The following NLRP13 variants were observed in gnomAD, a reference collection of about 807,000 sequenced individuals.
NLRP13 encodes NLR family pyrin domain containing 13.
Under a neutral mutation model 94.4 loss-of-function variants are expected in NLRP13, and 82 were observed. The observed-to-expected ratio is 0.87, with a 90% CI of 0.73 to 1.04. The LOEUF is 1.04. Ranked by LOEUF, NLRP13 falls within the 50% of genes least tolerant of loss-of-function variation. The probability of loss-of-function intolerance (pLI) is 0.00; values close to 1 mark genes in which losing one functional copy is unlikely to be tolerated. For synonymous variants in NLRP13, 553 were observed against 464.7 expected (o/e 1.19, Z -2.45); for missense variants, 1,426 against 1,230.8 (o/e 1.16, Z -2.37).
rs1027220636 is a variant in NLRP13 at position 55,930,886 on chromosome 19, A to G, written c.319+1107T>C. Among the ~76,000 whole-genome samples, 51 of 121,582 alleles carry G rather than the reference A, an allele frequency of 4.2e-4. 2 individuals carry two copies. Among genetic ancestry groups the G allele is most frequent in the African/African-American group, 1.5e-3 (48 of 31,494 alleles). 79.8% of individuals were successfully genotyped at this position (121,582 alleles called of 152,430 possible). A position where few individuals can be genotyped will look rare whatever the true frequency, so the allele number is the denominator to read the frequency against. ...ATAGAATCAGTGATTATATATATAT[A>G]TATATATATATAAAATTTTAACCAG... On this transcript the variant is annotated intron_variant, in intron 1 of 10. Coordinates refer to ENST00000342929, the MANE Select transcript of NLRP13 (RefSeq NM_176810.2).
rs377263929 is a variant in NLRP13, at chr19:55,913,305, G to A, written c.524-12C>T. 118 of 1,605,750 alleles carry A rather than the reference G, an allele frequency of 7.3e-5. No individual in the cohort carries two copies. The highest frequency in any genetic ancestry group is 1.0e-4 in the South Asian group (9 of 90,242). ...TTTTCTTCTGTGGTCTAGAGAGGGC[G>A]GAGTGGGGAGAAGAATGGTAAGAAT... On this transcript the variant is annotated splice_polypyrimidine_tract_variant and intron_variant, in intron 4 of 10. Transcript: ENST00000342929.
In NLRP13 at chr19:55,902,224, A is replaced by C. The variant is rs113092346; in HGVS notation, c.2619-19T>G. 3.7e-3 allele frequency: 5,993 copies of C among 1,611,150 alleles called. 189 individuals carry two copies. In the African/African-American group the frequency reaches 0.068, roughly 18 times the overall value. ...CCAGAGCCTGCAGGGTGAAAGCCACAGAGATGGACACTCAGGGAAGCAGCC... is the reference window on the plus strand; with the variant it reads ...CCAGAGCCTGCAGGGTGAAAGCCACCGAGATGGACACTCAGGGAAGCAGCC... On this transcript the variant is annotated intron_variant, in intron 8 of 10. Transcript: ENST00000342929.
At position 55,925,042 on chromosome 19, in the gene NLRP13, C is replaced by CA. The variant is rs769684311; in HGVS notation, c.320-8dup. ...TCTTGGGTCTGCACATTCTCTGAAACAAACAGTGATGATGACATATGAGAA... is the reference window on the plus strand; with the variant it reads ...TCTTGGGTCTGCACATTCTCTGAAACAAAACAGTGATGATGACATATGAGAA... On this transcript the variant is annotated splice_region_variant and splice_polypyrimidine_tract_variant and intron_variant, in intron 1 of 10. Transcript: ENST00000342929. The CA allele has an allele frequency of 6.2e-7, 1 of 1,613,434 alleles. No homozygotes were observed. Among genetic ancestry groups the CA allele is most frequent in the South Asian group, 1.1e-5 (1 of 91,058 alleles).
chr19:55,906,155 T>C (rs769178478), intron 7 of NLRP13, among the ~76,000 whole-genome samples: 2 of 151,724 alleles, frequency 1.3e-5, no homozygotes, highest in Non-Finnish European at 2.9e-5. Context: ...CTGTCCAACA[T>C]GGTGAAACCC....
chr19:55,921,803 G>T (rs1488426250), intron 4 of NLRP13, among the ~76,000 whole-genome samples: 5 of 152,150 alleles, frequency 3.3e-5, no homozygotes, highest in African/African-American at 7.2e-5. Context: ...AGTTGGAGAT[G>T]AGAGTCATGA....
intron 8 of NLRP13, among the ~76,000 whole-genome samples, chr19:55,904,721 G>A (rs1032288197): frequency 1.3e-5 from 2 of 152,142 alleles, no homozygotes; most frequent in African/African-American, 4.8e-5. Flanking sequence ...ACTTCCTGGG[G>A]TCCTCGTGGA....
rs1271026574 is a variant in NLRP13, at chr19:55,913,118, C to G, written c.699G>C (p.Leu233Phe). The change falls in exon 5 of 11, where the codon TTG becomes TTC. Residue 233 changes from leucine (L) to phenylalanine (F), a missense_variant. Coordinates refer to ENST00000342929, the MANE Select transcript of NLRP13 (RefSeq NM_176810.2). ...TCTTCCCAACCCCTGCCCTCCCCAC[C>G]AAGACTATCGTCTGGGCCTGGGCTC... The part of the protein sequence containing the change: ...RTRAQAQTIV[L>F]VGRAGVGKTT... 2 of 1,614,046 alleles carry G rather than the reference C, an allele frequency of 1.2e-6. No homozygotes were observed. Among genetic ancestry groups the G allele is most frequent in the African/African-American group, 1.3e-5 (1 of 74,924 alleles).
chr19:55,919,216 T>C (rs1386667271), intron 4 of NLRP13, among the ~76,000 whole-genome samples: 2 of 152,080 alleles, frequency 1.3e-5, no homozygotes, highest in Non-Finnish European at 2.9e-5. Context: ...CAAAGGAACA[T>C]ATGTCAAACT....
At chr19:55,906,380 A>C (rs188275121) in intron 7 of NLRP13, among the ~76,000 whole-genome samples, 20 of 150,480 alleles carry the variant, frequency 1.3e-4, no homozygotes, top group Admixed American at 3.5e-4. Flanking sequence ...GACAGACAGA[A>C]AGAAAGACAG....
intron 1 of NLRP13, among the ~76,000 whole-genome samples, chr19:55,929,411 G>A (rs1987050659): frequency 6.6e-6 from 1 of 152,212 alleles, no homozygotes; most frequent in East Asian, 1.9e-4. Flanking sequence ...TGAAGAAAAT[G>A]TGGCACATAT....
Position 55,912,015 on chromosome 19 carries a change from T to C in NLRP13, c.1802A>G (p.Glu601Gly). Reference protein sequence around the residue: ...LLNKNIARELEDTLHCKISPR... With the variant: ...LLNKNIARELGDTLHCKISPR... ...AGATATTTTACAATGCAAAGTATCTTCCAGTTCTCTTGCTATGTTTTTATT... is the reference window on the plus strand; with the variant it reads ...AGATATTTTACAATGCAAAGTATCTCCCAGTTCTCTTGCTATGTTTTTATT... Residue 601 changes from glutamate to glycine, a missense_variant, in exon 5 of 11, where the codon GAA becomes GGA. Physicochemically the swap from Glu to Gly is moderately conservative, Grantham distance 98. Coordinates refer to ENST00000342929, the MANE Select transcript of NLRP13 (RefSeq NM_176810.2). The C allele has an allele frequency of 6.2e-7, 1 of 1,614,072 alleles. No individual in the cohort carries two copies.
Position 55,913,178 on chromosome 19 carries a change from C to T in NLRP13, c.639G>A (p.Glu213=). The change falls in exon 5 of 11, where the codon GAG becomes GAA. Residue 213 remains glutamate (E), a synonymous_variant. Transcript: ENST00000342929. ...TAGGATCCAGTAGGCGCTGCAGTTC[C>T]TCATGTTCGTCCTTTGATGTATTAC... ...YIRNTSKDEH[E]ELQRLLDPNR... is the part of the protein sequence containing the mutation. 6.2e-7 allele frequency: 1 copy of T among 1,614,118 alleles called. No homozygotes were observed. The highest frequency in any genetic ancestry group is 8.5e-7 in the Non-Finnish European group (1 of 1,180,038).
intron 4 of NLRP13, among the ~76,000 whole-genome samples, chr19:55,920,853 T>A (rs1024805440): frequency 1.3e-5 from 2 of 152,158 alleles, no homozygotes; most frequent in Non-Finnish European, 2.9e-5. Flanking sequence ...TCAACCTAAA[T>A]GTCCATTAAT....
chr19:55,918,716 G>A (rs977598957), intron 4 of NLRP13, among the ~76,000 whole-genome samples: 1 of 151,948 alleles, frequency 6.6e-6, no homozygotes, highest in Non-Finnish European at 1.5e-5. Flanking sequence ...AGGAGTGAGT[G>A]AATCAGTAAT....
chr19:55,911,168 T>C (rs1986498684), intron 5 of NLRP13, among the ~76,000 whole-genome samples: 1 of 152,220 alleles, frequency 6.6e-6, no homozygotes. Flanking sequence ...AAAATGTCCC[T>C]ATGTTAGAGC....
chr19:55,912,633 A>G lies in NLRP13; in HGVS notation c.1184T>C (p.Phe395Ser). 1.2e-6 allele frequency: 2 copies of G among 1,614,196 alleles called. No homozygotes were observed. The highest frequency in any genetic ancestry group is 1.7e-6 in the Non-Finnish European group (2 of 1,180,026). Residue 395 changes from phenylalanine to serine, a missense_variant, in exon 5 of 11, where the codon TTC becomes TCC. Coordinates refer to ENST00000342929, the MANE Select transcript of NLRP13 (RefSeq NM_176810.2). ...GFTGDDLRVY[F>S]MRHFDDSSEV... ...ACTTGAGTCATCAAAGTGTCTCATG[A>G]AATATACCCGTAGGTCGTCCCCTGT...
chr19:55,911,765 T>C lies in NLRP13; in HGVS notation c.2052A>G (p.Leu684=). ...SSFCLKHCKR[L]NKLRLSVSSH... is the part of the protein sequence containing the mutation. Reference sequence around the variant, plus strand: ...TGCTAACAGAAAGCCTTAGCTTATTTAACCTTTTACAGTGCTTTAGGCAAA... The same window carrying C: ...TGCTAACAGAAAGCCTTAGCTTATTCAACCTTTTACAGTGCTTTAGGCAAA... The change falls in exon 5 of 11, where the codon TTA becomes TTG. Residue 684 remains leucine, a synonymous_variant. Coordinates refer to ENST00000342929, the MANE Select transcript of NLRP13 (RefSeq NM_176810.2). 6.2e-7 allele frequency: 1 copy of C among 1,613,812 alleles called. No individual in the cohort carries two copies. Among genetic ancestry groups the C allele is most frequent in the Non-Finnish European group, 8.5e-7 (1 of 1,179,876 alleles).
chr19:55,910,810 CAG>C, intron 5 of NLRP13, 77 bp from the exon 6 acceptor site: 6 of 1,179,518 alleles, frequency 5.1e-6, no homozygotes, highest in Non-Finnish European at 7.1e-6. Context: ...CTACGGGACA[CAG>C]AAAGAAACCC....
chr19:55,901,666 G>C (rs903939114), intron 9 of NLRP13, among the ~76,000 whole-genome samples: 3 of 152,152 alleles, frequency 2.0e-5, no homozygotes, highest in African/African-American at 7.2e-5. Flanking sequence ...TGATTGCACG[G>C]GGAGAGGGCT....
Sources: gnomAD v4.1 joint callset for allele counts (sites outside exome capture counted in the v4.1 genomes callset) on GRCh38, gnomAD v4.1.1 for gene constraint, MANE v1.5 for transcripts, NCBI Gene and HGNC (gene_info 2026-07-23, HGNC 2026-07-21) for gene names.